Variants in SH3TC2 observed in about 807,000 individuals in gnomAD.
The protein encoded by SH3TC2 is SH3 domain and tetratricopeptide repeats 2.
SH3TC2 carries 87 observed loss-of-function variants against 124.5 expected under a neutral mutation model. The observed-to-expected ratio is 0.70, with a 90% CI of 0.59 to 0.84. SH3TC2 has a LOEUF of 0.84. Ranked by LOEUF, SH3TC2 falls within the 40% of genes least tolerant of loss-of-function variation. The pLI, the probability that SH3TC2 is intolerant of heterozygous loss-of-function variation, is 0.00. For synonymous variants in SH3TC2, 634 were observed against 628.5 expected (o/e 1.01, Z -0.13); for missense variants, 1,536 against 1,566.4 (o/e 0.98, Z 0.33).
chr5:149,017,833 G>A (rs955347690), intron 12 of SH3TC2, among the ~76,000 whole-genome samples: 3 of 152,206 alleles, frequency 2.0e-5, no homozygotes, highest in African/African-American at 7.2e-5. Flanking sequence ...TTAAGACTAT[G>A]CATTTTAGAT....
intron 8 of SH3TC2, chr5:149,035,643 T>C (rs72492447): frequency 0.052 from 7,967 of 152,436 alleles, 234 homozygotes; most frequent in South Asian, 0.088. Context: ...CTCTTCTCCT[T>C]GTGCCACCCC....
Position 148,986,437 on chromosome 5 carries a change from C to A in SH3TC2, c.*18274G>T, listed in dbSNP as rs572622334. Among the ~76,000 whole-genome samples, 1 of 152,112 alleles carries A rather than the reference C, an allele frequency of 6.6e-6. No individual in the cohort carries two copies. The highest frequency in any genetic ancestry group is 1.5e-5 in the Non-Finnish European group (1 of 68,022). On this transcript the variant is annotated 3_prime_UTR_variant, in exon 17 of 17. Coordinates refer to ENST00000515425, the MANE Select transcript of SH3TC2 (RefSeq NM_024577.4). ...GGAAGCCCTGGAAAGCCAAGGTAAC[C>A]CCACTCACTCCCTATTACATCTCCT... is the stretch of plus-strand genomic sequence containing the variant.
Position 148,995,354 on chromosome 5 carries a change from A to C in SH3TC2, c.*9357T>G, listed in dbSNP as rs147996031. On this transcript the variant is annotated 3_prime_UTR_variant, in exon 17 of 17. Coordinates refer to ENST00000515425, the MANE Select transcript of SH3TC2 (RefSeq NM_024577.4). ...ATAAGGTCACCTTCTTTGGAGGATCATTTGGAGGATCAAATCCTATACTGT... is the reference window on the plus strand; with the variant it reads ...ATAAGGTCACCTTCTTTGGAGGATCCTTTGGAGGATCAAATCCTATACTGT... Among the ~76,000 whole-genome samples, 3 of 152,170 alleles carry C rather than the reference A, an allele frequency of 2.0e-5. No individual in the cohort carries two copies. The highest frequency in any genetic ancestry group is 4.4e-5 in the Non-Finnish European group (3 of 68,032).
chr5:149,052,310 G>A, intron 1 of SH3TC2, 70 bp from the exon 2 acceptor site: 1 of 1,251,660 alleles, frequency 8.0e-7, no homozygotes, highest in Non-Finnish European at 1.2e-6. Context: ...AAGCAAGGCT[G>A]TAGTTTTGGT....
intron 12 of SH3TC2, among the ~76,000 whole-genome samples, chr5:149,018,401 A>G (rs1753910754): frequency 6.6e-6 from 1 of 152,154 alleles, no homozygotes; most frequent in Non-Finnish European, 1.5e-5. Context: ...TGGGTAAATT[A>G]TAAAGAAAAA....
At position 149,027,397 on chromosome 5, in the gene SH3TC2, A is replaced by G; in HGVS notation, c.2335T>C (p.Tyr779His). 1 of 1,614,148 alleles carries G rather than the reference A, an allele frequency of 6.2e-7. No homozygotes were observed. Among genetic ancestry groups the G allele is most frequent in the Non-Finnish European group, 8.5e-7 (1 of 1,180,034 alleles). ...EHRSPDGAIH[Y>H]LSQALVLGQL... ...CCTAGCACCAAGGCCTGGCTCAGGT[A>G]GTGGATGGCACCGTCAGGAGACCTG... The change falls in exon 11 of 17, where the codon TAC becomes CAC. Residue 779 changes from tyrosine to histidine, a missense_variant. Physicochemically the swap from Tyr to His is moderately conservative, Grantham distance 83. This residue lies in a region of SH3TC2 where 1,102 missense variants were observed against 1,098.6 expected (regional missense o/e 1.00). Transcript: ENST00000515425.
intron 4 of SH3TC2, chr5:149,044,327 T>G: frequency 1.9e-6 from 1 of 526,672 alleles, no homozygotes; most frequent in Non-Finnish European, 3.4e-6. Flanking sequence ...AAAAGCAAAC[T>G]TCTTCATACG....
chr5:149,023,949 T>C (rs951364971), intron 12 of SH3TC2, among the ~76,000 whole-genome samples: 2 of 152,176 alleles, frequency 1.3e-5, no homozygotes, highest in African/African-American at 4.8e-5. Flanking sequence ...TACTTCACTA[T>C]ATGTAATTTG....
chr5:149,048,124 T>C (rs991998173), intron 2 of SH3TC2, 135 bp from the exon 3 acceptor site: 17 of 1,257,512 alleles, frequency 1.4e-5, no homozygotes, highest in Admixed American at 1.8e-5. Context: ...CAGATTAGAG[T>C]GGTCTTAACA....
rs375333449 is a variant in SH3TC2, at chr5:149,023,775, G to C, written c.3053+2797C>G. Among the ~76,000 whole-genome samples, 8 of 151,990 alleles carry C rather than the reference G, an allele frequency of 5.3e-5. No homozygotes were observed. The East Asian group carries it at 7.7e-4, about 15-fold the overall frequency. The stretch of plus-strand genomic sequence containing the variant: ...CTTTTTTGTATCTTTGGTAGAGATG[G>C]GGTTTCACCATGTTGGCCAGGCTGG... On this transcript the variant is annotated intron_variant, in intron 12 of 16. Transcript: ENST00000515425.
chr5:149,051,530 C>T (rs928788612), intron 2 of SH3TC2, among the ~76,000 whole-genome samples: 1 of 152,200 alleles, frequency 6.6e-6, no homozygotes, highest in Non-Finnish European at 1.5e-5. Context: ...CAGCTTACTG[C>T]AGCCTCGACG....
At chr5:149,053,445 G>A (rs1310570209) in intron 1 of SH3TC2, among the ~76,000 whole-genome samples, 1 of 152,352 alleles carries the variant, frequency 6.6e-6, no homozygotes, top group East Asian at 1.9e-4. Flanking sequence ...GGAATAGGCA[G>A]AAGCAGGGGC....
At position 149,028,450 on chromosome 5, in the gene SH3TC2, C is replaced by T; in HGVS notation, c.1282G>A (p.Glu428Lys). ...GAGGTGGCCGAGAGGAGCTCCTCCT[C>T]CAGGCTGGAGTCCTCAGAGCTGCTG... ...QSSSSEDSSL[E>K]EELLSATSDS... Residue 428 changes from glutamate (E) to lysine (K), a missense_variant, in exon 11 of 17, where the codon GAG (glutamate) becomes AAG (lysine). This residue lies in a region of SH3TC2 where 1,102 missense variants were observed against 1,098.6 expected (regional missense o/e 1.00). Coordinates refer to ENST00000515425, the MANE Select transcript of SH3TC2 (RefSeq NM_024577.4). 6.2e-7 allele frequency: 1 copy of T among 1,613,090 alleles called. No individual in the cohort carries two copies. The highest frequency in any genetic ancestry group is 8.5e-7 in the Non-Finnish European group (1 of 1,179,456).
At chr5:149,021,171 A>G (rs1395798087) in intron 12 of SH3TC2, among the ~76,000 whole-genome samples, 1 of 152,176 alleles carries the variant, frequency 6.6e-6, no homozygotes, top group Non-Finnish European at 1.5e-5. Context: ...ATTAAACAAC[A>G]TACTCCTAAA....
intron 1 of SH3TC2, chr5:149,062,372 C>T (rs984308864): frequency 7.5e-6 from 4 of 534,172 alleles, no homozygotes; most frequent in Non-Finnish European, 1.2e-5. Context: ...CCAGCAAATT[C>T]CTCAGTCCCA....
chr5:149,038,510 G>A lies in SH3TC2; in HGVS notation c.806-20C>T. 6 of 1,613,130 alleles carry A rather than the reference G, an allele frequency of 3.7e-6. No individual in the cohort carries two copies. Among genetic ancestry groups the A allele is most frequent in the Non-Finnish European group, 5.1e-6 (6 of 1,179,252 alleles). ...CTCTGCCTGTGGAAAATAGCACACA[G>A]ATCAGCTACAGAAGACATGAACAGC... On this transcript the variant is annotated intron_variant, in intron 7 of 16. Transcript: ENST00000515425.
chr5:148,993,783 AT>A lies in SH3TC2; in HGVS notation c.*10927del, dbSNP rs1753459171. 6.6e-6 allele frequency among the ~76,000 whole-genome samples: 1 copy of A among 152,202 alleles called. No homozygotes were observed. Among genetic ancestry groups the A allele is most frequent in the Non-Finnish European group, 1.5e-5 (1 of 68,034 alleles). The stretch of plus-strand genomic sequence containing the variant: ...TTGAATAGCCAAGCATCTAGCCCAG[AT>A]TACATTCCTCTAAGCATGCCTTAAC... On this transcript the variant is annotated 3_prime_UTR_variant, in exon 17 of 17. Coordinates refer to ENST00000515425, the MANE Select transcript of SH3TC2 (RefSeq NM_024577.4).
chr5:149,031,470 A>G, intron 9 of SH3TC2, 84 bp downstream of exon 9: 1 of 1,555,604 alleles, frequency 6.4e-7, no homozygotes. Flanking sequence ...ATTAGAATTT[A>G]GGGGTATTCT....
At chr5:149,026,416 G>A (rs1754063183) in intron 12 of SH3TC2, 156 bp downstream of exon 12, 1 of 818,420 alleles carries the variant, frequency 1.2e-6, no homozygotes. Flanking sequence ...CCACTAATAA[G>A]TGATGGATGC....
Sources: allele counts gnomAD v4.1 joint callset (sites outside exome capture counted in the v4.1 genomes callset), GRCh38; gene constraint gnomAD v4.1.1; regional missense constraint gnomAD v4.1.1; transcripts MANE v1.5; gene names NCBI Gene and HGNC (gene_info 2026-07-23, HGNC 2026-07-21).